Variants in ADGRL3 observed in about 807,000 individuals in gnomAD.
The protein encoded by ADGRL3 is adhesion G protein-coupled receptor L3, also known as calcium-independent alpha-latrotoxin receptor 3.
In ADGRL3, 62 loss-of-function variants were observed where a neutral mutation model predicts 153.5. The observed-to-expected ratio is 0.40, with a 90% CI of 0.33 to 0.50. The LOEUF is 0.50. Among genes scored for constraint, ADGRL3 ranks in the 20% least tolerant of loss-of-function variants. The pLI is 0.47. For missense variants in ADGRL3, 1,641 were observed against 1,859.4 expected (o/e 0.88, Z 2.16); for synonymous variants, 710 against 672.5 (o/e 1.06, Z -0.86).
At chr4:61,757,156 C>T (rs2096844410) in intron 8 of ADGRL3, among the ~76,000 whole-genome samples, 1 of 152,060 alleles carries the variant, frequency 6.6e-6, no homozygotes, top group South Asian at 2.1e-4. Flanking sequence ...GGGAAGATTC[C>T]CTCTTTTTGT....
chr4:61,236,894 T>G (rs1753062130), intron 1 of ADGRL3, among the ~76,000 whole-genome samples: 1 of 152,184 alleles, frequency 6.6e-6, no homozygotes, highest in Non-Finnish European at 1.5e-5. Context: ...ACCTGAGTTC[T>G]TCCTACCTTT....
At chr4:61,242,364 A>G (rs1755322404) in intron 1 of ADGRL3, among the ~76,000 whole-genome samples, 1 of 152,090 alleles carries the variant, frequency 6.6e-6, no homozygotes, top group Admixed American at 6.6e-5. Context: ...TCCCAGACCA[A>G]TTAAGTTGTA....
intron 8 of ADGRL3, among the ~76,000 whole-genome samples, chr4:61,806,516 A>G (rs1197774171): frequency 6.6e-6 from 1 of 152,002 alleles, no homozygotes; most frequent in Non-Finnish European, 1.5e-5. Context: ...GTATTTTTCT[A>G]TCTAATATAC....
chr4:61,934,023 A>G (rs964574374), intron 13 of ADGRL3: 1 of 152,200 alleles, frequency 6.6e-6, no homozygotes, highest in Non-Finnish European at 1.5e-5. Flanking sequence ...TACTGGAAGA[A>G]CTGTTTTTCT....
chr4:61,583,820 C>A, intron 4 of ADGRL3: 1 of 495,260 alleles, frequency 2.0e-6, no homozygotes, highest in South Asian at 1.5e-5. Context: ...TTTGATATAA[C>A]AGATTACCTC....
chr4:62,040,660 T>C (rs1318047816), intron 24 of ADGRL3, among the ~76,000 whole-genome samples: 1 of 152,098 alleles, frequency 6.6e-6, no homozygotes. Context: ...GGGGATAAAA[T>C]GGTTAAAAGA....
intron 21 of ADGRL3, among the ~76,000 whole-genome samples, chr4:62,021,809 T>G (rs2099239600): frequency 1.3e-5 from 2 of 152,152 alleles, no homozygotes. Context: ...ACAGCAAACT[T>G]AGTCAATAAA....
chr4:61,338,554 A>G (rs996670963), intron 1 of ADGRL3, among the ~76,000 whole-genome samples: 1 of 152,126 alleles, frequency 6.6e-6, no homozygotes, highest in Admixed American at 6.6e-5. Flanking sequence ...AAAAGTCATT[A>G]TATGTGGCAG....
At chr4:62,030,524 ATAACT>A (rs1296158496) in intron 22 of ADGRL3, among the ~76,000 whole-genome samples, 2 of 151,590 alleles carry the variant, frequency 1.3e-5, no homozygotes, top group African/African-American at 2.4e-5. Context: ...TATTCAATAC[ATAACT>A]TAACCACAAA....
intron 2 of ADGRL3, among the ~76,000 whole-genome samples, chr4:61,391,962 C>T (rs2152019747): frequency 6.8e-6 from 1 of 146,828 alleles, no homozygotes; most frequent in East Asian, 2.0e-4. Context: ...CAGGTTCATG[C>T]CATTCTCCTG....
chr4:61,619,417 T>G (rs534883428), intron 5 of ADGRL3, among the ~76,000 whole-genome samples: 2 of 152,300 alleles, frequency 1.3e-5, no homozygotes, highest in East Asian at 3.9e-4. Flanking sequence ...GATATTGATA[T>G]TATTTTTTAA....
At chr4:61,483,327 C>G (rs911941610) in intron 2 of ADGRL3, among the ~76,000 whole-genome samples, 2 of 152,008 alleles carry the variant, frequency 1.3e-5, no homozygotes, top group African/African-American at 4.8e-5. Context: ...ATTTGTGATG[C>G]CATTGATTTT....
intron 1 of ADGRL3, among the ~76,000 whole-genome samples, chr4:61,252,892 A>G (rs2091589796): frequency 6.6e-6 from 1 of 152,174 alleles, no homozygotes; most frequent in South Asian, 2.1e-4. Flanking sequence ...ACATAGGCTC[A>G]TGTCTGAAAA....
At chr4:61,553,809 C>T (rs531066677) in intron 4 of ADGRL3, among the ~76,000 whole-genome samples, 2 of 152,222 alleles carry the variant, frequency 1.3e-5, no homozygotes, top group Non-Finnish European at 2.9e-5. Context: ...AACTTCTGAA[C>T]TAACTCCTAC....
At chr4:61,775,022 A>G (rs1254038470) in intron 8 of ADGRL3, among the ~76,000 whole-genome samples, 1 of 152,164 alleles carries the variant, frequency 6.6e-6, no homozygotes, top group East Asian at 1.9e-4. Context: ...TAGAGAGGAG[A>G]GAGGGGATAC....
intron 5 of ADGRL3, among the ~76,000 whole-genome samples, chr4:61,640,486 C>T (rs543775869): frequency 1.3e-5 from 2 of 152,212 alleles, no homozygotes; most frequent in African/African-American, 4.8e-5. Flanking sequence ...GCTCCATTTT[C>T]CCACTATATG....
intron 18 of ADGRL3, among the ~76,000 whole-genome samples, chr4:61,981,235 A>T (rs1272174256): frequency 6.6e-6 from 1 of 152,202 alleles, no homozygotes; most frequent in Non-Finnish European, 1.5e-5. Flanking sequence ...AATTATTTAG[A>T]AAATGAAAGA....
chr4:61,226,755 A>C (rs747196768), intron 1 of ADGRL3, among the ~76,000 whole-genome samples: 1 of 152,072 alleles, frequency 6.6e-6, no homozygotes, highest in Non-Finnish European at 1.5e-5. Flanking sequence ...GCATGAAGTT[A>C]TAATTTCACT....
intron 25 of ADGRL3, among the ~76,000 whole-genome samples, chr4:62,048,131 A>G (rs1031977195): frequency 1.3e-5 from 2 of 152,092 alleles, no homozygotes; most frequent in Non-Finnish European, 2.9e-5. Context: ...AGTAACTCCA[A>G]CTTTCTGGTA....
Sources: gnomAD v4.1 joint callset for allele counts (sites outside exome capture counted in the v4.1 genomes callset) on GRCh38, gnomAD v4.1.1 for gene constraint, MANE v1.5 for transcripts, NCBI Gene and HGNC (gene_info 2026-07-23, HGNC 2026-07-21) for gene names.